Variants in ELP4 observed in about 807,000 individuals in gnomAD.
ELP4 encodes the protein elongator complex protein 4.
In ELP4, 51 loss-of-function variants were observed where a neutral mutation model predicts 48.9. The observed-to-expected ratio is 1.04, with a 90% CI of 0.83 to 1.32. The LOEUF (loss-of-function observed/expected upper bound fraction) is 1.32, where lower values mean the gene tolerates loss of function less well. Among genes scored for constraint, ELP4 ranks in the 40% most tolerant of loss-of-function variants. The pLI is 0.00. For missense variants in ELP4, 519 were observed against 514.6 expected (o/e 1.01, Z -0.08); for synonymous variants, 210 against 189.2 (o/e 1.11, Z -0.90).
rs561630371 is a variant in ELP4, at chr11:31,598,346, G to A, written c.513+3445G>A. Among the ~76,000 whole-genome samples, 8 of 151,904 alleles carry A rather than the reference G, an allele frequency of 5.3e-5. No individual in the cohort carries two copies. In the South Asian group the frequency reaches 8.3e-4, roughly 16 times the overall value. On this transcript the variant is annotated intron_variant, in intron 4 of 9. Coordinates refer to ENST00000640961, the MANE Select transcript of ELP4 (RefSeq NM_019040.5). ...AAAATACATTGTTTTTTATAAATTC[G>A]AATCATAGATACTATCCTTGCCCCA...
chr11:31,558,674 C>G (rs1376038828), intron 3 of ELP4, among the ~76,000 whole-genome samples: 2 of 152,138 alleles, frequency 1.3e-5, no homozygotes, highest in Non-Finnish European at 2.9e-5. Flanking sequence ...GATACTTACC[C>G]TGCCTACCTT....
chr11:31,764,184 A>G (rs1375139441), intron 9 of ELP4, among the ~76,000 whole-genome samples: 1 of 152,136 alleles, frequency 6.6e-6, no homozygotes, highest in Non-Finnish European at 1.5e-5. Context: ...TCTATTTTAT[A>G]CCTAGGTGGA....
At chr11:31,523,871 C>T (rs531009677) in intron 2 of ELP4, among the ~76,000 whole-genome samples, 6 of 152,108 alleles carry the variant, frequency 3.9e-5, no homozygotes, top group Admixed American at 3.9e-4. Flanking sequence ...AAATTTGGAA[C>T]ACCTTAAAAG....
At chr11:31,670,916 A>C (rs1945793507) in intron 9 of ELP4, among the ~76,000 whole-genome samples, 1 of 151,954 alleles carries the variant, frequency 6.6e-6, no homozygotes, top group Non-Finnish European at 1.5e-5. Flanking sequence ...TTTTAGTTGG[A>C]GATTTATTGC....
intron 9 of ELP4, among the ~76,000 whole-genome samples, chr11:31,698,154 T>C (rs1449160353): frequency 6.6e-6 from 1 of 152,194 alleles, no homozygotes; most frequent in Non-Finnish European, 1.5e-5. Flanking sequence ...TCTAATCTGG[T>C]ATAAAATATG....
intron 9 of ELP4, among the ~76,000 whole-genome samples, chr11:31,777,199 C>CA (rs892586891): frequency 1.1e-4 from 17 of 151,428 alleles, no homozygotes; most frequent in Non-Finnish European, 1.9e-4. Context: ...GTTGAAACAA[C>CA]ACTCTGAAAT....
Position 31,576,074 on chromosome 11 carries a change from C to G in ELP4, c.382-18696C>G, listed in dbSNP as rs150302547. ...TCACATGCAGAGACACACATAGGCT[C>G]AAAATAAAGGGATAGAAGAAGATCT... On this transcript the variant is annotated intron_variant, in intron 3 of 9. Transcript: ENST00000640961. Among the ~76,000 whole-genome samples the G allele has an allele frequency of 2.6e-5, 4 of 152,054 alleles. No individual in the cohort carries two copies. The East Asian group carries it at 7.7e-4, about 29-fold the overall frequency.
intron 3 of ELP4, 107 bp from the exon 4 acceptor site, chr11:31,594,663 T>C (rs192494219): frequency 1.2e-5 from 8 of 657,866 alleles, no homozygotes; most frequent in Non-Finnish European, 1.9e-5. Context: ...ATGTTAGTCA[T>C]GAATTTTCAA....
At chr11:31,760,050 A>G (rs1343474979) in intron 9 of ELP4, among the ~76,000 whole-genome samples, 1 of 152,176 alleles carries the variant, frequency 6.6e-6, no homozygotes, top group Non-Finnish European at 1.5e-5. Flanking sequence ...CATCAGCTTC[A>G]GTGCTTTATT....
intron 3 of ELP4, among the ~76,000 whole-genome samples, chr11:31,587,290 G>C (rs2133979908): frequency 6.6e-6 from 1 of 152,204 alleles, no homozygotes; most frequent in South Asian, 2.1e-4. Flanking sequence ...CCTAAACTAA[G>C]TAACTCTGTG....
intron 5 of ELP4, among the ~76,000 whole-genome samples, chr11:31,613,799 C>T (rs977070950): frequency 6.8e-6 from 1 of 146,308 alleles, no homozygotes; most frequent in Non-Finnish European, 1.5e-5. Flanking sequence ...GCCTCTACCT[C>T]CTGGGTTCAA....
In ELP4 at chr11:31,533,368, C is replaced by CTTTTTTTTTTTTTTTTTTTTTTTTT. The variant is rs71060492; in HGVS notation, c.260-6291_260-6267dup. ...GTGTTGCTGCAAAAGCCATCTCATT[C>CTTTTTTTTTTTTTTTTTTTTTTTTT]TTTTTTTTTTTTTTTTTTTTTTTTT... On this transcript the variant is annotated intron_variant, in intron 2 of 9. Coordinates refer to ENST00000640961, the MANE Select transcript of ELP4 (RefSeq NM_019040.5). 6.7e-4 allele frequency among the ~76,000 whole-genome samples: 34 copies of CTTTTTTTTTTTTTTTTTTTTTTTTT among 50,476 alleles called. 6 individuals carry two copies. The highest frequency in any genetic ancestry group is 0.023 in the Middle Eastern group (1 of 44). The allele number at this position is 50,476 out of a possible 152,430, so 33.1% of individuals were successfully genotyped here.
In ELP4 at chr11:31,783,483, T is replaced by A. The variant is rs1399899275; in HGVS notation, c.1234T>A (p.Cys412Ser). ...ATCCGCCAAGCGGCTGGGCCCAGGC[T>A]GTGGCATGATGGCCGGAGGCAAGAA... ...AESAKRLGPGCGMMAGGKKHL... is the reference protein window; with the variant it reads ...AESAKRLGPGSGMMAGGKKHL... The change falls in exon 10 of 10, where the codon TGT (cysteine) becomes AGT (serine). Residue 412 changes from cysteine to serine, a missense_variant. By Grantham distance (112) the Cys-to-Ser change is moderately radical. Transcript: ENST00000640961. 3 of 1,614,142 alleles carry A rather than the reference T, an allele frequency of 1.9e-6. No homozygotes were observed. The highest frequency in any genetic ancestry group is 2.2e-5 in the South Asian group (2 of 91,086).
chr11:31,730,622 A>G (rs1248126948), intron 9 of ELP4, among the ~76,000 whole-genome samples: 1 of 152,148 alleles, frequency 6.6e-6, no homozygotes, highest in Non-Finnish European at 1.5e-5. Flanking sequence ...CAGAGCACTG[A>G]CACGGCCTGG....
chr11:31,716,566 G>A (rs80253598), intron 9 of ELP4, among the ~76,000 whole-genome samples: 241 of 152,276 alleles, frequency 1.6e-3, no homozygotes, highest in Non-Finnish European at 2.1e-3. Flanking sequence ...AAGGAATACT[G>A]TGTGTAGCCC....
At chr11:31,685,043 A>G (rs1371331094) in intron 9 of ELP4, among the ~76,000 whole-genome samples, 2 of 152,212 alleles carry the variant, frequency 1.3e-5, no homozygotes, top group East Asian at 3.8e-4. Context: ...TTGCAGAAAG[A>G]AAGGGTCCTA....
At chr11:31,548,522 G>A (rs1466266096) in intron 3 of ELP4, among the ~76,000 whole-genome samples, 3 of 152,122 alleles carry the variant, frequency 2.0e-5, no homozygotes, top group Non-Finnish European at 4.4e-5. Flanking sequence ...CATGCTCATG[G>A]GTAGGAAGAA....
At chr11:31,697,074 A>G (rs550057192) in intron 9 of ELP4, among the ~76,000 whole-genome samples, 19 of 152,268 alleles carry the variant, frequency 1.2e-4, no homozygotes, top group Non-Finnish European at 1.5e-5. Flanking sequence ...AGGCCATTAC[A>G]TAATGGTAAA....
In ELP4 at chr11:31,783,516, G is replaced by A; in HGVS notation, c.1267G>A (p.Asp423Asn). ...GMMAGGKKHLDF is the reference protein window; with the variant it reads ...GMMAGGKKHLNF ...GATGGCCGGAGGCAAGAAGCACCTGGACTTCTAGGGATTCCTCCTTAGTCG... is the reference window on the plus strand; with the variant it reads ...GATGGCCGGAGGCAAGAAGCACCTGAACTTCTAGGGATTCCTCCTTAGTCG... Residue 423 changes from aspartate (D) to asparagine (N), a missense_variant, in exon 10 of 10, where the codon GAC (aspartate) becomes AAC (asparagine). Transcript: ENST00000640961. 6.2e-7 allele frequency: 1 copy of A among 1,613,760 alleles called. No individual in the cohort carries two copies. Among genetic ancestry groups the A allele is most frequent in the Non-Finnish European group, 8.5e-7 (1 of 1,179,814 alleles).
Sources: gnomAD v4.1 joint callset for allele counts (sites outside exome capture counted in the v4.1 genomes callset) on GRCh38, gnomAD v4.1.1 for gene constraint, MANE v1.5 for transcripts, NCBI Gene and HGNC (gene_info 2026-07-23, HGNC 2026-07-21) for gene names.